Variants in SLC13A4 observed in about 807,000 individuals in gnomAD.
The protein encoded by SLC13A4 is Na(+)/sulfate cotransporter SUT-1.
SLC13A4 carries 28 observed loss-of-function variants against 72.7 expected under a neutral mutation model. The observed-to-expected ratio is 0.39, with a 90% CI of 0.29 to 0.53. The LOEUF (loss-of-function observed/expected upper bound fraction) is 0.53, where lower values mean the gene tolerates loss of function less well. Ranked by LOEUF, SLC13A4 falls within the 20% of genes least tolerant of loss-of-function variation. The pLI is 0.78. For synonymous variants in SLC13A4, 312 were observed against 325.5 expected (o/e 0.96, Z 0.45); for missense variants, 653 against 788.0 (o/e 0.83, Z 2.05).
intron 2 of SLC13A4, among the ~76,000 whole-genome samples, chr7:135,714,848 C>T (rs1269424643): frequency 6.6e-6 from 1 of 152,222 alleles, no homozygotes; most frequent in African/African-American, 2.4e-5. Context: ...TCCCAGCGGG[C>T]GCAGCCTGTA....
chr7:135,687,665 T>C (rs1263021805), intron 13 of SLC13A4, among the ~76,000 whole-genome samples: 1 of 152,230 alleles, frequency 6.6e-6, no homozygotes, highest in Admixed American at 6.5e-5. Context: ...ACTCTTTAAT[T>C]GTTCCCTCTG....
At position 135,681,483 on chromosome 7, in the gene SLC13A4, T is replaced by C. The variant is rs1795499531; in HGVS notation, c.*80A>G. 2.6e-6 allele frequency: 4 copies of C among 1,545,570 alleles called. No individual in the cohort carries two copies. In the South Asian group the frequency reaches 3.7e-5, roughly 14 times the overall value. On this transcript the variant is annotated 3_prime_UTR_variant, in exon 16 of 16. Coordinates refer to ENST00000682651, the MANE Select transcript of SLC13A4 (RefSeq NM_001318192.2). The stretch of plus-strand genomic sequence containing the variant: ...TGGGGTTGTGTGCTCCTGGTGGTCC[T>C]AGTGGTTTTCTTTGCCTGTGGTCCA...
At chr7:135,716,452 G>A (rs1280252628) in intron 2 of SLC13A4, among the ~76,000 whole-genome samples, 2 of 152,128 alleles carry the variant, frequency 1.3e-5, no homozygotes, top group Non-Finnish European at 2.9e-5. Flanking sequence ...CTACAGGCAT[G>A]CACCACCATA....
chr7:135,691,404 G>A (rs1795783539), intron 12 of SLC13A4, 79 bp from the exon 13 acceptor site: 1 of 1,436,514 alleles, frequency 7.0e-7, no homozygotes, highest in Non-Finnish European at 9.4e-7. Flanking sequence ...TTGGTGAAGT[G>A]GATGATTTGG....
At chr7:135,713,557 T>G (rs569764230) in intron 2 of SLC13A4, among the ~76,000 whole-genome samples, 24 of 151,978 alleles carry the variant, frequency 1.6e-4, no homozygotes, top group Non-Finnish European at 3.2e-4. Context: ...GGGCTCTTAT[T>G]TTTTTTTAAT....
chr7:135,710,714 G>C (rs1414003675), intron 2 of SLC13A4, among the ~76,000 whole-genome samples: 3 of 152,194 alleles, frequency 2.0e-5, no homozygotes, highest in African/African-American at 7.2e-5. Context: ...ATAAAGGCAG[G>C]CTGCTCCATC....
At position 135,685,510 on chromosome 7, in the gene SLC13A4, C is replaced by T. The variant is rs758882981; in HGVS notation, c.1608+12G>A. The T allele has an allele frequency of 1.5e-5, 24 of 1,612,682 alleles. No homozygotes were observed. The highest frequency in any genetic ancestry group is 1.7e-4 in the Middle Eastern group (1 of 6,006). ...AGCCTGTCTGGATGTCTGGGAGCTC[C>T]GCATTACTCACCAGGCTGCACAGGA... On this transcript the variant is annotated intron_variant, in intron 14 of 15. Transcript: ENST00000682651.
chr7:135,705,503 T>G (rs1467239082), intron 5 of SLC13A4, 93 bp downstream of exon 5: 1 of 1,205,394 alleles, frequency 8.3e-7, no homozygotes, highest in Non-Finnish European at 1.2e-6. Flanking sequence ...GTGGTACATC[T>G]CAAAGAGCTG....
chr7:135,698,982 T>G (rs762923061), intron 8 of SLC13A4, among the ~76,000 whole-genome samples: 1 of 152,084 alleles, frequency 6.6e-6, no homozygotes, highest in South Asian at 2.1e-4. Context: ...GCTCTATCGC[T>G]CAGGCTCGGG....
chr7:135,720,538 A>T (rs1796523318), intron 2 of SLC13A4, among the ~76,000 whole-genome samples: 3 of 141,500 alleles, frequency 2.1e-5, no homozygotes, highest in Admixed American at 7.4e-5. Context: ...CATCTCAGTG[A>T]TTCAGGCTTT....
In SLC13A4 at chr7:135,721,405, C is replaced by A. The variant is rs748793188; in HGVS notation, c.218G>T (p.Arg73Leu). 6.2e-7 allele frequency: 1 copy of A among 1,613,946 alleles called. No homozygotes were observed. Among genetic ancestry groups the A allele is most frequent in the Non-Finnish European group, 8.5e-7 (1 of 1,179,916 alleles). ...TACAAGTAGTCTAACCTCATTGGAC[C>A]GGAGGACTCCGAAGAACGGGTAAAG... is the stretch of plus-strand genomic sequence containing the variant. ...AFLYPFFGVL[R>L]SNEVAAEYFK... The change falls in exon 2 of 16, where the codon CGG becomes CTG. Residue 73 changes from arginine (R) to leucine (L), a missense_variant. By Grantham distance (102) the Arg-to-Leu change is moderately radical. Coordinates refer to ENST00000682651, the MANE Select transcript of SLC13A4 (RefSeq NM_001318192.2).
chr7:135,695,065 A>G (rs564759387), intron 9 of SLC13A4, among the ~76,000 whole-genome samples: 7 of 152,232 alleles, frequency 4.6e-5, no homozygotes, highest in Admixed American at 1.3e-4. Context: ...TTTGAGAGCA[A>G]TAAAACGACA....
At chr7:135,688,282 G>A (rs1342140293) in intron 13 of SLC13A4, among the ~76,000 whole-genome samples, 1 of 147,936 alleles carries the variant, frequency 6.8e-6, no homozygotes, top group Non-Finnish European at 1.5e-5. Flanking sequence ...AGTCCCTGGA[G>A]TTTTGCTTTT....
Position 135,695,490 on chromosome 7 carries a change from G to A in SLC13A4, c.900-3C>T. ...CCACCTCTGCGGCTGGATACTGGCTGGAGGGTAAAGAACCAGGTCAGCAAT... is the reference window on the plus strand; with the variant it reads ...CCACCTCTGCGGCTGGATACTGGCTAGAGGGTAAAGAACCAGGTCAGCAAT... On this transcript the variant is annotated splice_polypyrimidine_tract_variant and splice_region_variant and intron_variant, in intron 8 of 15. Coordinates refer to ENST00000682651, the MANE Select transcript of SLC13A4 (RefSeq NM_001318192.2). 2 of 1,613,544 alleles carry A rather than the reference G, an allele frequency of 1.2e-6. No individual in the cohort carries two copies. The highest frequency in any genetic ancestry group is 1.7e-6 in the Non-Finnish European group (2 of 1,179,670).
At chr7:135,705,499 C>A in intron 5 of SLC13A4, 97 bp downstream of exon 5, 1 of 1,123,806 alleles carries the variant, frequency 8.9e-7, no homozygotes, top group Non-Finnish European at 1.3e-6. Context: ...TTGGGTGGTA[C>A]ATCTCAAAGA....
rs1796355579 is a variant in SLC13A4 at position 135,713,725 on chromosome 7, C to A, written c.229-5475G>T. 3.9e-5 allele frequency among the ~76,000 whole-genome samples: 6 copies of A among 152,216 alleles called. No homozygotes were observed. The South Asian group carries it at 1.2e-3, about 32-fold the overall frequency. On this transcript the variant is annotated intron_variant, in intron 2 of 15. Transcript: ENST00000682651. The stretch of plus-strand genomic sequence containing the variant: ...TCCCGGTAGCTATGACTACAGGCAC[C>A]CACCATTGTGTCCGGCTAATTTTGT...
intron 7 of SLC13A4, 66 bp downstream of exon 7, chr7:135,701,614 T>C (rs530240847): frequency 1.3e-6 from 2 of 1,496,160 alleles, no homozygotes; most frequent in South Asian, 1.1e-5. Flanking sequence ...TCAAGACCAG[T>C]GCCCTTGGGA....
chr7:135,694,630 T>G (rs1214271812), intron 9 of SLC13A4, among the ~76,000 whole-genome samples: 5 of 152,270 alleles, frequency 3.3e-5, no homozygotes, highest in Admixed American at 3.3e-4. Flanking sequence ...TGTGTCTAGA[T>G]GTATAACTAA....
intron 1 of SLC13A4, among the ~76,000 whole-genome samples, chr7:135,726,252 C>T (rs537474455): frequency 6.6e-6 from 1 of 152,210 alleles, no homozygotes; most frequent in Non-Finnish European, 1.5e-5. Context: ...GACTAGGGTA[C>T]AGTCCAGGAA....
Sources: allele counts gnomAD v4.1 joint callset (sites outside exome capture counted in the v4.1 genomes callset), GRCh38; gene constraint gnomAD v4.1.1; transcripts MANE v1.5; gene names NCBI Gene and HGNC (gene_info 2026-07-23, HGNC 2026-07-21).